The following FNDC8 variants were observed in gnomAD, a reference collection of about 807,000 sequenced individuals.
The protein encoded by FNDC8 is fibronectin type III domain-containing protein 8.
FNDC8 carries 23 observed loss-of-function variants against 24.8 expected under a neutral mutation model. The ratio of observed to expected loss-of-function variants is 0.93; its 90% CI spans 0.67 to 1.31. The LOEUF is 1.31. Among genes scored for constraint, FNDC8 ranks in the 40% most tolerant of loss-of-function variants. The probability of loss-of-function intolerance (pLI) is 0.00; values close to 1 mark genes in which losing one functional copy is unlikely to be tolerated. For synonymous variants in FNDC8, 158 were observed against 165.3 expected, an observed-to-expected ratio of 0.96 and a Z score of 0.34; for missense variants, 371 against 398.2, an observed-to-expected ratio of 0.93 and a Z score of 0.58.
At chr17:35,124,252 G>A (rs1211770877) in intron 1 of FNDC8, among the ~76,000 whole-genome samples, 2 of 152,178 alleles carry the variant, frequency 1.3e-5, no homozygotes, top group African/African-American at 4.8e-5. Context: ...TAAACTGGCT[G>A]GGTGCAGTGG....
rs919282674 is a variant in FNDC8 at position 35,129,088 on chromosome 17, G to A, written c.586-334G>A. On this transcript the variant is annotated intron_variant, in intron 2 of 3. Transcript: ENST00000158009. Reference sequence around the variant, plus strand: ...AATACAGATGAAGCTTCGCTTGCTCGCCCACCAATCTCCTCCTGCTGTGCT... The same window carrying A: ...AATACAGATGAAGCTTCGCTTGCTCACCCACCAATCTCCTCCTGCTGTGCT... 5 of 237,340 alleles carry A rather than the reference G, an allele frequency of 2.1e-5. No homozygotes were observed. The East Asian group carries it at 2.5e-4, about 12-fold the overall frequency. The allele number at this position is 237,340 out of a possible 1,614,324, so 14.7% of individuals were successfully genotyped here.
chr17:35,124,362 T>C (rs1006561341), intron 1 of FNDC8, among the ~76,000 whole-genome samples: 1 of 152,012 alleles, frequency 6.6e-6, no homozygotes, highest in African/African-American at 2.4e-5. Flanking sequence ...ACCCCTTCTC[T>C]ACTAAAAATA....
chr17:35,129,835 A>C (rs187386897), intron 3 of FNDC8, 177 bp downstream of exon 3: 1 of 1,431,728 alleles, frequency 7.0e-7, no homozygotes, highest in African/African-American at 1.4e-5. Flanking sequence ...TTTAAGGATT[A>C]AGCCACTCTG....
rs372000696 is a variant in FNDC8 at position 35,130,114 on chromosome 17, GC to G, written c.823-167del. Reference sequence around the variant, plus strand: ...AATATCCCATAATGAGGAGGTACAGGCTTGAGTCATGCATCTTTGCACCTGT... The same window carrying G: ...AATATCCCATAATGAGGAGGTACAGGTTGAGTCATGCATCTTTGCACCTGT... On this transcript the variant is annotated intron_variant, in intron 3 of 3. Coordinates refer to ENST00000158009, the MANE Select transcript of FNDC8 (RefSeq NM_017559.4). The G allele has an allele frequency of 6.0e-5, 87 of 1,438,514 alleles. No individual in the cohort carries two copies. The African/African-American group carries it at 1.2e-3, about 19-fold the overall frequency. 89.1% of individuals were successfully genotyped at this position (1,438,514 alleles called of 1,614,324 possible).
chr17:35,127,047 C>T lies in FNDC8; in HGVS notation c.215C>T (p.Pro72Leu), dbSNP rs905071433. The T allele has an allele frequency of 3.2e-6, 5 of 1,577,108 alleles. No homozygotes were observed. The highest frequency in any genetic ancestry group is 1.8e-5 in the Admixed American group (1 of 56,106). ...LEDDTINLLK[P>L]LPVEDSDCSS... is the part of the protein sequence containing the mutation. Reference sequence around the variant, plus strand: ...TGTCTCCCCTTTTGCTCCAGGAAGCCGCTGCCAGTAGAGGATTCAGACTGC... The same window carrying T: ...TGTCTCCCCTTTTGCTCCAGGAAGCTGCTGCCAGTAGAGGATTCAGACTGC... The change falls in exon 2 of 4, where the codon CCG (proline) becomes CTG (leucine). Residue 72 changes from proline to leucine, a missense_variant. Transcript: ENST00000158009.
intron 3 of FNDC8, chr17:35,129,867 G>GA: frequency 7.0e-7 from 1 of 1,418,480 alleles, no homozygotes; most frequent in Non-Finnish European, 9.2e-7. Flanking sequence ...GAATGCAAAC[G>GA]AATGTATTTT....
chr17:35,129,505 T>G lies in FNDC8; in HGVS notation c.669T>G (p.Asn223Lys). Residue 223 changes from asparagine (N) to lysine (K), a missense_variant, in exon 3 of 4, where the codon AAT becomes AAG. By Grantham distance (94) the Asn-to-Lys change is moderately conservative. Coordinates refer to ENST00000158009, the MANE Select transcript of FNDC8 (RefSeq NM_017559.4). Reference sequence around the variant, plus strand: ...AGGAGGTGGCCAAGACACAGGAGAATGAGTTGCCCGAGGCAAAGAATCGTC... The same window carrying G: ...AGGAGGTGGCCAAGACACAGGAGAAGGAGTTGCCCGAGGCAAAGAATCGTC... The part of the protein sequence containing the change: ...LLQEVAKTQE[N>K]ELPEAKNRPW... 1.9e-6 allele frequency: 3 copies of G among 1,614,108 alleles called. No homozygotes were observed. Among genetic ancestry groups the G allele is most frequent in the Non-Finnish European group, 2.5e-6 (3 of 1,179,986 alleles).
rs543199253 is a variant in FNDC8 at position 35,130,406 on chromosome 17, A to G, written c.947A>G (p.Glu316Gly). 2 of 1,614,052 alleles carry G rather than the reference A, an allele frequency of 1.2e-6. No homozygotes were observed. Among genetic ancestry groups the G allele is most frequent in the Admixed American group, 1.7e-5 (1 of 60,008 alleles). ...SIGPEEMRRL[E>G]DLEYLFPC ...GGGCCGGAGGAGATGCGGAGGCTGG[A>G]GGATCTGGAATACCTATTTCCCTGT... is the stretch of plus-strand genomic sequence containing the variant. Residue 316 changes from glutamate to glycine, a missense_variant, in exon 4 of 4, where the codon GAG (glutamate) becomes GGG (glycine). Transcript: ENST00000158009.
chr17:35,129,405 G>GCT lies in FNDC8; in HGVS notation c.586-10_586-9dup. On this transcript the variant is annotated splice_polypyrimidine_tract_variant and intron_variant, in intron 2 of 3. Transcript: ENST00000158009. Reference sequence around the variant, plus strand: ...AGGACATATCTGAGGAAGCCTCGGGGCTCTCTCTTCCCCTAGATTTCCTGG... The same window carrying GCT: ...AGGACATATCTGAGGAAGCCTCGGGGCTCTCTCTCTTCCCCTAGATTTCCTGG... 6.2e-7 allele frequency: 1 copy of GCT among 1,611,018 alleles called. No individual in the cohort carries two copies. Among genetic ancestry groups the GCT allele is most frequent in the Non-Finnish European group, 8.5e-7 (1 of 1,177,660 alleles).
Position 35,130,345 on chromosome 17 carries a change from C to T in FNDC8, c.886C>T (p.Arg296Trp), listed in dbSNP as rs774238390. The change falls in exon 4 of 4, where the codon CGG becomes TGG. Residue 296 changes from arginine to tryptophan, a missense_variant. Transcript: ENST00000158009. The part of the protein sequence containing the change: ...PENYPIQITV[R>W]RKEPRQKIVS... Reference sequence around the variant, plus strand: ...GAACTACCCCATCCAGATCACCGTGCGGCGCAAGGAACCCCGGCAAAAGAT... The same window carrying T: ...GAACTACCCCATCCAGATCACCGTGTGGCGCAAGGAACCCCGGCAAAAGAT... 20 of 1,613,952 alleles carry T rather than the reference C, an allele frequency of 1.2e-5. No homozygotes were observed. Among genetic ancestry groups the T allele is most frequent in the South Asian group, 3.3e-5 (3 of 91,086 alleles).
chr17:35,130,034 T>G, intron 3 of FNDC8: 1 of 1,387,996 alleles, frequency 7.2e-7, no homozygotes, highest in Non-Finnish European at 9.3e-7. Context: ...AGCCTGGGTA[T>G]GGGGTAGGGG....
Position 35,130,491 on chromosome 17 carries a change from G to A in FNDC8, c.*57G>A, listed in dbSNP as rs967790487. On this transcript the variant is annotated 3_prime_UTR_variant, in exon 4 of 4. Coordinates refer to ENST00000158009, the MANE Select transcript of FNDC8 (RefSeq NM_017559.4). Reference sequence around the variant, plus strand: ...TTTCAGCTTCAACCCCAGGCCCTCAGAAACCAGAGCCATGAGACCTACCAT... The same window carrying A: ...TTTCAGCTTCAACCCCAGGCCCTCAAAAACCAGAGCCATGAGACCTACCAT... 5.1e-6 allele frequency: 8 copies of A among 1,566,526 alleles called. No homozygotes were observed. In the African/African-American group the frequency reaches 1.1e-4, roughly 21 times the overall value.
chr17:35,129,391 G>C, intron 2 of FNDC8, 31 bp from the exon 3 acceptor site: 2 of 1,607,146 alleles, frequency 1.2e-6, no homozygotes, highest in Non-Finnish European at 1.7e-6. Context: ...GGACATATCT[G>C]AGGAAGCCTC....
chr17:35,130,096 C>T, intron 3 of FNDC8, 186 bp from the exon 4 acceptor site: 1 of 1,426,486 alleles, frequency 7.0e-7, no homozygotes, highest in Non-Finnish European at 9.1e-7. Context: ...GGAAATATCC[C>T]ATAATGAGGA....
intron 1 of FNDC8, among the ~76,000 whole-genome samples, chr17:35,122,901 T>C (rs781555065): frequency 2.0e-5 from 3 of 152,158 alleles, no homozygotes; most frequent in East Asian, 1.9e-4. Context: ...CAGAATGATA[T>C]AGCATGGTCT....
intron 1 of FNDC8, 148 bp from the exon 2 acceptor site, chr17:35,126,894 A>G (rs2091851214): frequency 1.1e-6 from 1 of 931,570 alleles, no homozygotes; most frequent in African/African-American, 1.6e-5. Context: ...TGGTGAGTCT[A>G]ATGCAATGCT....
chr17:35,123,311 C>T (rs1483232087), intron 1 of FNDC8, among the ~76,000 whole-genome samples: 2 of 152,062 alleles, frequency 1.3e-5, no homozygotes, highest in East Asian at 1.9e-4. Flanking sequence ...CCAAAGTGCC[C>T]GTAAGCAAGC....
rs767424345 is a variant in FNDC8, at chr17:35,127,264, G to T, written c.432G>T (p.Ser144=). The T allele has an allele frequency of 3.7e-6, 6 of 1,613,872 alleles. No individual in the cohort carries two copies. Among genetic ancestry groups the T allele is most frequent in the East Asian group, 2.2e-5 (1 of 44,892 alleles). ...DLALGPCPCP[S]KSQMATRGLL... Reference sequence around the variant, plus strand: ...CGCTCGGCCCCTGCCCATGCCCATCGAAGTCCCAGATGGCCACAAGGGGCC... The same window carrying T: ...CGCTCGGCCCCTGCCCATGCCCATCTAAGTCCCAGATGGCCACAAGGGGCC... Residue 144 remains serine (S), a synonymous_variant, in exon 2 of 4, where the codon TCG becomes TCT. Transcript: ENST00000158009.
At chr17:35,125,203 C>T (rs1412210297) in intron 1 of FNDC8, among the ~76,000 whole-genome samples, 1 of 152,082 alleles carries the variant, frequency 6.6e-6, no homozygotes, top group South Asian at 2.1e-4. Context: ...ATAATCCAAG[C>T]ACTTTGGGAG....
Sources: allele counts gnomAD v4.1 joint callset (sites outside exome capture counted in the v4.1 genomes callset), GRCh38; gene constraint gnomAD v4.1.1; transcripts MANE v1.5; gene names NCBI Gene and HGNC (gene_info 2026-07-23, HGNC 2026-07-21).